Variants in RARB observed in about 807,000 individuals in gnomAD.
RARB encodes the protein HBV-activated protein.
RARB carries 17 observed loss-of-function variants against 51.9 expected under a neutral mutation model. That is an observed-to-expected ratio of 0.33 (90% CI 0.22 to 0.49). RARB has a LOEUF of 0.49. Ranked by LOEUF, RARB falls within the 20% of genes least tolerant of loss-of-function variation. The pLI is 0.99. For missense variants in RARB, 369 were observed against 550.8 expected, an observed-to-expected ratio of 0.67 and a Z score of 3.30; for synonymous variants, 215 against 195.4, an observed-to-expected ratio of 1.10 and a Z score of -0.84.
At chr3:25,338,205 A>T (rs541055612) in intron 5 of RARB, among the ~76,000 whole-genome samples, 10 of 152,152 alleles carry the variant, frequency 6.6e-5, no homozygotes, top group Non-Finnish European at 1.2e-4. Flanking sequence ...CACTTAGACC[A>T]TAAAAGCCCT....
At chr3:25,055,860 T>G (rs1297221071) in intron 2 of RARB, among the ~76,000 whole-genome samples, 2 of 152,052 alleles carry the variant, frequency 1.3e-5, no homozygotes, top group African/African-American at 4.8e-5. Flanking sequence ...GTGCTGGCTG[T>G]TGGGAGTGAA....
chr3:24,937,878 C>G (rs115898469), intron 2 of RARB, among the ~76,000 whole-genome samples: 2 of 151,900 alleles, frequency 1.3e-5, no homozygotes, highest in African/African-American at 4.8e-5. Context: ...TTGAGAAATC[C>G]GGAAAAAACA....
rs979678126 is a variant in RARB at position 24,951,397 on chromosome 3, A to G, written c.-380+92645A>G. On this transcript the variant is annotated intron_variant, in intron 2 of 11. Coordinates refer to the RARB transcript ENST00000383772. ...AGAACAGGCCACGTGTGCAGTGCTG[A>G]CAAGTTAGGCTTTGTCTTAGGGCAT... Among the ~76,000 whole-genome samples, 4 of 152,324 alleles carry G rather than the reference A, an allele frequency of 2.6e-5. No individual in the cohort carries two copies. In the South Asian group the frequency reaches 6.2e-4, roughly 24 times the overall value.
intron 3 of RARB, among the ~76,000 whole-genome samples, chr3:25,078,559 G>A (rs1319782390): frequency 7.8e-5 from 11 of 140,204 alleles, no homozygotes; most frequent in Admixed American, 4.5e-4. Context: ...CTTTTGAGAC[G>A]GAGTTTCATT....
intron 3 of RARB, among the ~76,000 whole-genome samples, chr3:25,550,212 T>C (rs1699790087): frequency 6.6e-6 from 1 of 152,208 alleles, no homozygotes; most frequent in Admixed American, 6.5e-5. Context: ...GTCTACATTT[T>C]TGAAAATATT....
chr3:25,123,251 G>T (rs1180008738), intron 3 of RARB, among the ~76,000 whole-genome samples: 1 of 152,218 alleles, frequency 6.6e-6, no homozygotes, highest in Admixed American at 6.5e-5. Flanking sequence ...ACTTTGGGAA[G>T]TGTGTTTCAC....
At chr3:25,292,923 G>A (rs570497520) in intron 5 of RARB, among the ~76,000 whole-genome samples, 4 of 152,246 alleles carry the variant, frequency 2.6e-5, no homozygotes, top group Non-Finnish European at 5.9e-5. Flanking sequence ...AACTGAAGAC[G>A]CTCCCAAAAT....
chr3:24,997,391 T>G (rs1697064908), intron 2 of RARB, among the ~76,000 whole-genome samples: 1 of 152,086 alleles, frequency 6.6e-6, no homozygotes, highest in Non-Finnish European at 1.5e-5. Flanking sequence ...TCTTTTTTTT[T>G]TTAATCTAGT....
At chr3:24,873,224 G>A (rs569048284) in intron 2 of RARB, among the ~76,000 whole-genome samples, 1 of 152,262 alleles carries the variant, frequency 6.6e-6, no homozygotes, top group South Asian at 2.1e-4. Flanking sequence ...TTATGTCAAT[G>A]AATAGCTTAT....
chr3:25,317,241 T>C (rs1704452011), intron 5 of RARB, among the ~76,000 whole-genome samples: 1 of 152,048 alleles, frequency 6.6e-6, no homozygotes, highest in Admixed American at 6.6e-5. Flanking sequence ...GGATAGTCAC[T>C]AAATGGATCA....
At chr3:25,363,535 T>C (rs757364348) in intron 5 of RARB, among the ~76,000 whole-genome samples, 1 of 152,172 alleles carries the variant, frequency 6.6e-6, no homozygotes, top group Non-Finnish European at 1.5e-5. Context: ...TTCTGTCTTA[T>C]ACTACATCTG....
chr3:25,291,898 C>T (rs1461576435), intron 5 of RARB, among the ~76,000 whole-genome samples: 2 of 152,094 alleles, frequency 1.3e-5, no homozygotes, highest in African/African-American at 4.8e-5. Flanking sequence ...TCCTTTTGTT[C>T]TGAACTTGGA....
chr3:25,569,709 C>T (rs1408851858), intron 3 of RARB, 49 bp from the exon 4 acceptor site: 1 of 1,578,088 alleles, frequency 6.3e-7, no homozygotes, highest in Non-Finnish European at 8.6e-7. Flanking sequence ...CTCAGGAGCA[C>T]AGGCCCAGCC....
chr3:25,092,141 C>T (rs567451160), intron 3 of RARB, among the ~76,000 whole-genome samples: 3 of 152,180 alleles, frequency 2.0e-5, no homozygotes, highest in Admixed American at 6.5e-5. Context: ...AATCTGCTGA[C>T]GAGGCACTTA....
chr3:25,096,628 A>G (rs547669422), intron 3 of RARB, among the ~76,000 whole-genome samples: 1 of 152,126 alleles, frequency 6.6e-6, no homozygotes, highest in African/African-American at 2.4e-5. Context: ...TAAAAATGCA[A>G]TCAAAACGCT....
At chr3:25,089,266 A>T (rs111262289) in intron 3 of RARB, among the ~76,000 whole-genome samples, 2,558 of 152,208 alleles carry the variant, frequency 0.017, 65 homozygotes, top group East Asian at 0.063. Flanking sequence ...AGTAGCATGC[A>T]CAGAAAAAAA....
At chr3:25,591,992 C>A (rs1701630205) in intron 5 of RARB, among the ~76,000 whole-genome samples, 1 of 152,206 alleles carries the variant, frequency 6.6e-6, no homozygotes, top group Admixed American at 6.5e-5. Context: ...TGTGGATCCA[C>A]CACCAGTCAG....
At chr3:24,836,913 A>G (rs991161238) in intron 1 of RARB, among the ~76,000 whole-genome samples, 2 of 152,200 alleles carry the variant, frequency 1.3e-5, no homozygotes, top group African/African-American at 4.8e-5. Context: ...TATTTATTTC[A>G]TAAGTATTTA....
intron 5 of RARB, among the ~76,000 whole-genome samples, chr3:25,297,608 A>C (rs1181700500): frequency 6.6e-6 from 1 of 152,092 alleles, no homozygotes; most frequent in Admixed American, 6.5e-5. Flanking sequence ...AATCATGTAC[A>C]GGGAAAAGCA....
Sources: gnomAD v4.1 joint callset for allele counts (sites outside exome capture counted in the v4.1 genomes callset) on GRCh38, gnomAD v4.1.1 for gene constraint, MANE v1.5 for transcripts, NCBI Gene and HGNC (gene_info 2026-07-23, HGNC 2026-07-21) for gene names.